CCSER1: variants seen among roughly 807,000 people sequenced by gnomAD.
The protein encoded by CCSER1 is serine-rich coiled-coil domain-containing protein 1.
Under a neutral mutation model 82.0 loss-of-function variants are expected in CCSER1, and 41 were observed. That is an observed-to-expected ratio of 0.50 (90% confidence interval 0.39 to 0.65). The LOEUF (loss-of-function observed/expected upper bound fraction) is 0.65, where lower values mean the gene tolerates loss of function less well. Among genes scored for constraint, CCSER1 ranks in the 30% least tolerant of loss-of-function variants. The probability of loss-of-function intolerance (pLI) is 0.00; values close to 1 mark genes in which losing one functional copy is unlikely to be tolerated. For synonymous variants in CCSER1, 414 were observed against 383.9 expected, an observed-to-expected ratio of 1.08 and a Z score of -0.92; for missense variants, 1,119 against 1,064.2, an observed-to-expected ratio of 1.05 and a Z score of -0.72.
At chr4:90,650,181 C>G (rs1343974089) in intron 6 of CCSER1, among the ~76,000 whole-genome samples, 1 of 152,032 alleles carries the variant, frequency 6.6e-6, no homozygotes. Context: ...TGCACCACTG[C>G]ACTCCAGCCT....
rs574635778 is a variant in CCSER1 at position 90,964,439 on chromosome 4, A to C, written c.2172+40992A>C. Among the ~76,000 whole-genome samples the C allele has an allele frequency of 1.7e-4, 26 of 151,284 alleles. No homozygotes were observed. The Middle Eastern group carries it at 0.014, about 79-fold the overall frequency. On this transcript the variant is annotated intron_variant, in intron 9 of 10. Coordinates refer to ENST00000509176, the MANE Select transcript of CCSER1 (RefSeq NM_001145065.2). ...AATCTGCTATTCCATAAAAGCAACA[A>C]GGATAGGCCAGGCGTGGTGGCTCAC...
At chr4:91,116,865 G>A (rs1189335130) in intron 10 of CCSER1, among the ~76,000 whole-genome samples, 1 of 152,110 alleles carries the variant, frequency 6.6e-6, no homozygotes, top group Non-Finnish European at 1.5e-5. Flanking sequence ...AATTCTAAGA[G>A]GGAAGAATGG....
At chr4:90,888,343 A>G (rs925101131) in intron 8 of CCSER1, among the ~76,000 whole-genome samples, 1 of 152,140 alleles carries the variant, frequency 6.6e-6, no homozygotes, top group Non-Finnish European at 1.5e-5. Context: ...TCTACTCTTT[A>G]TGCTTTAATA....
At chr4:91,034,075 A>G (rs982461561) in intron 9 of CCSER1, among the ~76,000 whole-genome samples, 5 of 152,186 alleles carry the variant, frequency 3.3e-5, no homozygotes, top group African/African-American at 1.2e-4. Flanking sequence ...TATAAATCTC[A>G]GTCACAAACA....
Position 91,407,047 on chromosome 4 carries a change from CCTTTAACCCTTCTTG to C in CCSER1, c.2218-191520_2218-191506del, listed in dbSNP as rs1482783958. 5.9e-5 allele frequency among the ~76,000 whole-genome samples: 9 copies of C among 152,230 alleles called. No individual in the cohort carries two copies. The East Asian group carries it at 1.5e-3, about 26-fold the overall frequency. The stretch of plus-strand genomic sequence containing the variant: ...TAAAACTTCAATGAATTATTCAGCC[CCTTTAACCCTTCTTG>C]CTTTGCTGCACACCTATTGAGTTTT... On this transcript the variant is annotated intron_variant, in intron 10 of 10. Transcript: ENST00000509176.
chr4:91,275,820 T>G (rs1742386354), intron 10 of CCSER1, among the ~76,000 whole-genome samples: 1 of 152,198 alleles, frequency 6.6e-6, no homozygotes, highest in East Asian at 1.9e-4. Context: ...TTAAACCGTC[T>G]TGAGTTGATT....
chr4:90,518,180 A>G (rs903571450), intron 5 of CCSER1, among the ~76,000 whole-genome samples: 1 of 152,108 alleles, frequency 6.6e-6, no homozygotes, highest in Non-Finnish European at 1.5e-5. Flanking sequence ...AAATTTTAAA[A>G]TAAATTTTTC....
In CCSER1 at chr4:90,553,319, G is replaced by A. The variant is rs115658579; in HGVS notation, c.1725-74706G>A. Reference sequence around the variant, plus strand: ...ATTAAATATTGGTGGTGTGCTAATGGTTTTTAATAAAGTGTTAATTGAATT... The same window carrying A: ...ATTAAATATTGGTGGTGTGCTAATGATTTTTAATAAAGTGTTAATTGAATT... On this transcript the variant is annotated intron_variant, in intron 5 of 10. Transcript: ENST00000509176. Among the ~76,000 whole-genome samples, 707 of 152,182 alleles carry A rather than the reference G, an allele frequency of 4.6e-3. 5 individuals carry two copies. The highest frequency in any genetic ancestry group is 0.016 in the African/African-American group (662 of 41,528).
At chr4:91,054,230 GT>G (rs1743243963) in intron 9 of CCSER1, among the ~76,000 whole-genome samples, 1 of 152,148 alleles carries the variant, frequency 6.6e-6, no homozygotes, top group Non-Finnish European at 1.5e-5. Flanking sequence ...CGTGGGTGAG[GT>G]GAGGGAGCAC....
intron 1 of CCSER1, among the ~76,000 whole-genome samples, chr4:90,208,514 G>T (rs914420677): frequency 1.3e-5 from 2 of 151,842 alleles, no homozygotes; most frequent in Admixed American, 1.3e-4. Context: ...GGCGTGAACG[G>T]TTTTGTCTCG....
At chr4:91,187,281 T>C (rs755240375) in intron 10 of CCSER1, among the ~76,000 whole-genome samples, 3 of 152,242 alleles carry the variant, frequency 2.0e-5, no homozygotes, top group Non-Finnish European at 2.9e-5. Context: ...TCGGCCATCT[T>C]GGCACCTCTC....
chr4:90,789,283 T>C (rs1754921898), intron 7 of CCSER1, among the ~76,000 whole-genome samples: 1 of 152,140 alleles, frequency 6.6e-6, no homozygotes, highest in African/African-American at 2.4e-5. Flanking sequence ...ACATAATTGA[T>C]CTCACTCTCC....
At chr4:91,168,180 A>G (rs1486451045) in intron 10 of CCSER1, among the ~76,000 whole-genome samples, 2 of 53,872 alleles carry the variant, frequency 3.7e-5, no homozygotes, top group Admixed American at 4.8e-4. Flanking sequence ...CCGGCCGCCC[A>G]TCGTCTGGGA....
intron 10 of CCSER1, among the ~76,000 whole-genome samples, chr4:91,296,492 TTAAA>T (rs1744195241): frequency 2.1e-5 from 3 of 142,880 alleles, no homozygotes; most frequent in South Asian, 2.1e-4. Flanking sequence ...TATATTTTAA[TTAAA>T]TATACAGTTA....
intron 10 of CCSER1, among the ~76,000 whole-genome samples, chr4:91,415,123 G>A (rs1021908060): frequency 6.6e-6 from 1 of 152,084 alleles, no homozygotes; most frequent in Non-Finnish European, 1.5e-5. Context: ...AACAGCATCA[G>A]AATACACATT....
chr4:90,185,115 C>T (rs762539479), intron 1 of CCSER1, among the ~76,000 whole-genome samples: 2 of 152,014 alleles, frequency 1.3e-5, no homozygotes, highest in South Asian at 2.1e-4. Flanking sequence ...AGTGAAGGAA[C>T]GACCTGAAGA....
intron 9 of CCSER1, among the ~76,000 whole-genome samples, chr4:91,056,356 G>T (rs1743447115): frequency 6.6e-6 from 1 of 152,088 alleles, no homozygotes; most frequent in African/African-American, 2.4e-5. Flanking sequence ...AGAAATCCAA[G>T]AACAAATAGC....
At chr4:90,353,923 T>C (rs1743954236) in intron 3 of CCSER1, among the ~76,000 whole-genome samples, 2 of 152,190 alleles carry the variant, frequency 1.3e-5, no homozygotes, top group African/African-American at 4.8e-5. Flanking sequence ...CAGTAATCCC[T>C]ACTTCTGACT....
intron 6 of CCSER1, among the ~76,000 whole-genome samples, chr4:90,670,217 A>T (rs1234811841): frequency 9.9e-5 from 15 of 152,170 alleles, no homozygotes; most frequent in Admixed American, 9.8e-4. Flanking sequence ...ATTATTGCTT[A>T]CTGTTCTTTG....
Sources: allele counts gnomAD v4.1 joint callset (sites outside exome capture counted in the v4.1 genomes callset), GRCh38; gene constraint gnomAD v4.1.1; transcripts MANE v1.5; gene names NCBI Gene and HGNC (gene_info 2026-07-23, HGNC 2026-07-21).